Variants in IMMP2L observed in about 807,000 individuals in gnomAD.
IMMP2L encodes inner mitochondrial membrane peptidase subunit 2.
IMMP2L carries 18 observed loss-of-function variants against 19.3 expected under a neutral mutation model. That is an observed-to-expected ratio of 0.93 (90% CI 0.64 to 1.38). IMMP2L has a LOEUF of 1.38. IMMP2L is among the 40% of genes most tolerant of loss of function. The pLI is 0.00. For missense variants in IMMP2L, 233 were observed against 218.2 expected (o/e 1.07, Z -0.43); for synonymous variants, 76 against 73.0 (o/e 1.04, Z -0.21).
chr7:111,145,798 T>C (rs1398441059), intron 3 of IMMP2L, among the ~76,000 whole-genome samples: 1 of 152,042 alleles, frequency 6.6e-6, no homozygotes, highest in Non-Finnish European at 1.5e-5. Flanking sequence ...AGAAAAACAA[T>C]GTGTATAACT....
intron 3 of IMMP2L, among the ~76,000 whole-genome samples, chr7:111,107,021 A>G (rs1438287897): frequency 1.3e-5 from 2 of 151,994 alleles, no homozygotes; most frequent in African/African-American, 2.4e-5. Flanking sequence ...TAAATCCTAG[A>G]AAACAATCAA....
intron 3 of IMMP2L, among the ~76,000 whole-genome samples, chr7:111,154,493 C>T (rs763674775): frequency 6.6e-6 from 1 of 151,878 alleles, no homozygotes; most frequent in Non-Finnish European, 1.5e-5. Flanking sequence ...AAAGAACATC[C>T]CTTTTTACCA....
intron 4 of IMMP2L, among the ~76,000 whole-genome samples, chr7:110,939,461 A>T (rs994879032): frequency 5.9e-5 from 9 of 152,130 alleles, no homozygotes; most frequent in African/African-American, 2.2e-4. Flanking sequence ...AAAAAGTAAT[A>T]AGATTTTTTG....
At chr7:111,306,369 T>C (rs991240430) in intron 3 of IMMP2L, among the ~76,000 whole-genome samples, 5 of 152,114 alleles carry the variant, frequency 3.3e-5, no homozygotes, top group African/African-American at 9.7e-5. Flanking sequence ...TGGTGGGGGA[T>C]ACTGATAAAT....
intron 5 of IMMP2L, among the ~76,000 whole-genome samples, chr7:110,679,869 C>G (rs1792584201): frequency 6.6e-6 from 1 of 152,184 alleles, no homozygotes; most frequent in African/African-American, 2.4e-5. Flanking sequence ...AGCACCATAT[C>G]TGGTGCTATG....
intron 1 of IMMP2L, among the ~76,000 whole-genome samples, chr7:111,554,960 T>C (rs1157777504): frequency 2.0e-5 from 3 of 152,062 alleles, no homozygotes; most frequent in Non-Finnish European, 2.9e-5. Flanking sequence ...GGTTGCAAAT[T>C]TTTTTTGTGA....
chr7:111,362,090 C>T (rs1829312955), intron 3 of IMMP2L, among the ~76,000 whole-genome samples: 1 of 151,854 alleles, frequency 6.6e-6, no homozygotes, highest in Non-Finnish European at 1.5e-5. Flanking sequence ...TTTAAGAGTA[C>T]CAAAGAAATC....
At chr7:111,477,490 AT>A (rs910992293) in intron 3 of IMMP2L, among the ~76,000 whole-genome samples, 5 of 151,878 alleles carry the variant, frequency 3.3e-5, no homozygotes, top group Admixed American at 3.3e-4. Context: ...CTAGATTGAC[AT>A]TTTTTTTCCT....
intron 4 of IMMP2L, among the ~76,000 whole-genome samples, chr7:110,903,209 G>T (rs1295647650): frequency 1.3e-5 from 2 of 152,158 alleles, no homozygotes; most frequent in African/African-American, 4.8e-5. Flanking sequence ...AGTATACGTG[G>T]TATGTGGCTG....
chr7:110,698,392 A>C (rs1794027388), intron 5 of IMMP2L, among the ~76,000 whole-genome samples: 1 of 152,218 alleles, frequency 6.6e-6, no homozygotes, highest in Non-Finnish European at 1.5e-5. Context: ...CTTAATAATA[A>C]TACTTAAGTA....
intron 3 of IMMP2L, among the ~76,000 whole-genome samples, chr7:111,155,784 A>C (rs1269489127): frequency 2.6e-5 from 4 of 152,188 alleles, no homozygotes; most frequent in South Asian, 2.1e-4. Flanking sequence ...AAAGTGTAAA[A>C]ATTTTAGGCA....
At chr7:111,439,402 C>T (rs573685173) in intron 3 of IMMP2L, among the ~76,000 whole-genome samples, 1 of 151,814 alleles carries the variant, frequency 6.6e-6, no homozygotes, top group African/African-American at 2.4e-5. Context: ...CTCAGAGGTA[C>T]ACACACCAGT....
intron 3 of IMMP2L, among the ~76,000 whole-genome samples, chr7:111,360,626 T>G (rs952975079): frequency 2.0e-5 from 3 of 152,062 alleles, no homozygotes; most frequent in Admixed American, 2.0e-4. Context: ...GAGACCAGCC[T>G]GGGCAACATA....
chr7:111,445,530 C>T (rs76164138), intron 3 of IMMP2L, among the ~76,000 whole-genome samples: 3,475 of 152,050 alleles, frequency 0.023, 138 homozygotes, highest in African/African-American at 0.079. Flanking sequence ...CTGAGAATAA[C>T]GAAACTTTAA....
At chr7:111,182,043 A>T (rs576662394) in intron 3 of IMMP2L, among the ~76,000 whole-genome samples, 1 of 152,068 alleles carries the variant, frequency 6.6e-6, no homozygotes, top group Non-Finnish European at 1.5e-5. Flanking sequence ...AATAAAAAAC[A>T]TAAAAAGAGG....
intron 3 of IMMP2L, among the ~76,000 whole-genome samples, chr7:111,066,355 G>A (rs1421239327): frequency 6.6e-6 from 1 of 152,076 alleles, no homozygotes; most frequent in Non-Finnish European, 1.5e-5. Flanking sequence ...ATACTATTGA[G>A]TGAATATTTT....
chr7:111,097,796 T>A (rs552935082), intron 3 of IMMP2L, among the ~76,000 whole-genome samples: 1 of 151,986 alleles, frequency 6.6e-6, no homozygotes, highest in African/African-American at 2.4e-5. Flanking sequence ...GTATTCAACA[T>A]CTGTAGAATA....
chr7:111,060,157 T>G (rs1243364014), intron 3 of IMMP2L, among the ~76,000 whole-genome samples: 1 of 152,206 alleles, frequency 6.6e-6, no homozygotes, highest in African/African-American at 2.4e-5. Context: ...AAATATTCAT[T>G]TGCTATCAAG....
intron 3 of IMMP2L, among the ~76,000 whole-genome samples, chr7:111,096,170 A>G (rs1418786189): frequency 6.6e-6 from 1 of 151,950 alleles, no homozygotes; most frequent in African/African-American, 2.4e-5. Flanking sequence ...TTTGCTCCTC[A>G]CAACAATCTG....
Sources: allele counts gnomAD v4.1 joint callset (sites outside exome capture counted in the v4.1 genomes callset), GRCh38; gene constraint gnomAD v4.1.1; transcripts MANE v1.5; gene names NCBI Gene and HGNC (gene_info 2026-07-23, HGNC 2026-07-21).